CCDC60: variants seen among roughly 807,000 people sequenced by gnomAD.
CCDC60 encodes the protein coiled-coil domain containing 60, also known as coiled-coil domain-containing protein 60.
Under a neutral mutation model 63.5 loss-of-function variants are expected in CCDC60, and 54 were observed. The ratio of observed to expected loss-of-function variants is 0.85; its 90% CI spans 0.68 to 1.07. The LOEUF is 1.07. CCDC60 is among the 50% of genes least tolerant of loss of function. The probability of loss-of-function intolerance (pLI) is 0.00; values close to 1 mark genes in which losing one functional copy is unlikely to be tolerated. For synonymous variants in CCDC60, 206 were observed against 238.8 expected (o/e 0.86, Z 1.27); for missense variants, 651 against 684.3 (o/e 0.95, Z 0.54).
intron 1 of CCDC60, among the ~76,000 whole-genome samples, chr12:119,406,557 T>C (rs1424813126): frequency 1.3e-5 from 2 of 152,054 alleles, no homozygotes; most frequent in Non-Finnish European, 2.9e-5. Context: ...TACATTGCAA[T>C]GCTAGAATCC....
intron 1 of CCDC60, among the ~76,000 whole-genome samples, chr12:119,425,367 G>A (rs576036072): frequency 6.6e-5 from 10 of 152,204 alleles, no homozygotes; most frequent in South Asian, 4.2e-4. Context: ...CCAGAATGGG[G>A]GTCATCTGAT....
At chr12:119,417,971 C>T (rs113303621) in intron 1 of CCDC60, among the ~76,000 whole-genome samples, 2,696 of 152,252 alleles carry the variant, frequency 0.018, 72 homozygotes, top group African/African-American at 0.06. Flanking sequence ...AAACCTGAAA[C>T]TGGGGTTTCA....
chr12:119,526,418 C>G (rs1043139956), intron 11 of CCDC60, among the ~76,000 whole-genome samples: 1 of 152,188 alleles, frequency 6.6e-6, no homozygotes, highest in Non-Finnish European at 1.5e-5. Flanking sequence ...CAAATGGGAT[C>G]TAATTGAACT....
At chr12:119,414,621 G>C (rs1956667507) in intron 1 of CCDC60, among the ~76,000 whole-genome samples, 1 of 152,056 alleles carries the variant, frequency 6.6e-6, no homozygotes, top group Non-Finnish European at 1.5e-5. Flanking sequence ...TGCAATCATA[G>C]CTCACCACAA....
chr12:119,428,739 C>T lies in CCDC60; in HGVS notation c.147C>T (p.Leu49=). The change falls in exon 2 of 14, where the codon CTC becomes CTT. Residue 49 remains leucine (L), a synonymous_variant. Transcript: ENST00000327554. ...ATATGGACAAGGAAATAATAAACCT[C>T]AAAAAGGACCTTATACGAAGCCGGT... ...IKYMDKEIIN[L]KKDLIRSRFL... The T allele has an allele frequency of 6.2e-7, 1 of 1,604,148 alleles. No homozygotes were observed. Among genetic ancestry groups the T allele is most frequent in the East Asian group, 2.2e-5 (1 of 44,816 alleles).
At chr12:119,423,605 T>C (rs1292074965) in intron 1 of CCDC60, among the ~76,000 whole-genome samples, 1 of 152,220 alleles carries the variant, frequency 6.6e-6, no homozygotes, top group Non-Finnish European at 1.5e-5. Context: ...ATCTCCTCCA[T>C]GAGTCTAGCT....
chr12:119,513,690 G>C (rs1325817671), intron 7 of CCDC60, among the ~76,000 whole-genome samples: 1 of 152,182 alleles, frequency 6.6e-6, no homozygotes, highest in East Asian at 1.9e-4. Flanking sequence ...CATAAGATTA[G>C]AGTGAAGCTG....
chr12:119,343,925 G>A (rs1955559278), intron 1 of CCDC60, among the ~76,000 whole-genome samples: 1 of 152,028 alleles, frequency 6.6e-6, no homozygotes, highest in Admixed American at 6.6e-5. Flanking sequence ...CAGAGCTCCA[G>A]CAGATCACTC....
intron 2 of CCDC60, among the ~76,000 whole-genome samples, chr12:119,443,950 G>A (rs1040592392): frequency 1.3e-5 from 2 of 152,166 alleles, no homozygotes; most frequent in Non-Finnish European, 2.9e-5. Flanking sequence ...TGACATAAGT[G>A]TTACACACAG....
Position 119,495,958 on chromosome 12 carries a change from G to A in CCDC60, c.558-4120G>A, listed in dbSNP as rs150442796. Among the ~76,000 whole-genome samples the A allele has an allele frequency of 4.4e-3, 669 of 152,338 alleles. 7 individuals carry two copies. The highest frequency in any genetic ancestry group is 0.015 in the African/African-American group (639 of 41,584). On this transcript the variant is annotated intron_variant, in intron 5 of 13. Coordinates refer to ENST00000327554, the MANE Select transcript of CCDC60 (RefSeq NM_178499.5). ...CATCAAGGAAAGACTCACTCAGACA[G>A]TGACATATGAGTGAAATCTCTGATT...
chr12:119,384,943 G>C (rs535729838), intron 1 of CCDC60, among the ~76,000 whole-genome samples: 3 of 152,200 alleles, frequency 2.0e-5, no homozygotes, highest in African/African-American at 7.2e-5. Context: ...TGAGTGGGGG[G>C]GCTGATATCC....
intron 1 of CCDC60, among the ~76,000 whole-genome samples, chr12:119,419,977 C>T (rs1043935125): frequency 2.7e-5 from 4 of 149,826 alleles, no homozygotes; most frequent in Non-Finnish European, 4.4e-5. Context: ...CCTGGGTTCA[C>T]GCCATTCTCC....
chr12:119,516,536 C>G (rs1952358600), intron 7 of CCDC60, 87 bp from the exon 8 acceptor site: 1 of 848,756 alleles, frequency 1.2e-6, no homozygotes, highest in South Asian at 1.6e-5. Flanking sequence ...CAGAGGTGAC[C>G]CCAGTTTGGG....
At chr12:119,448,151 C>T (rs1251876402) in intron 2 of CCDC60, among the ~76,000 whole-genome samples, 2 of 150,366 alleles carry the variant, frequency 1.3e-5, no homozygotes, top group African/African-American at 4.9e-5. Flanking sequence ...ATTTGCTTAG[C>T]AGGTAGATCC....
chr12:119,408,619 C>T (rs1448519706), intron 1 of CCDC60, among the ~76,000 whole-genome samples: 1 of 152,120 alleles, frequency 6.6e-6, no homozygotes, highest in African/African-American at 2.4e-5. Flanking sequence ...GTCAGGAGAT[C>T]GAAACCATCC....
At chr12:119,524,721 C>CTTTT (rs55694840) in intron 11 of CCDC60, among the ~76,000 whole-genome samples, 20 of 99,034 alleles carry the variant, frequency 2.0e-4, no homozygotes, top group African/African-American at 6.1e-4. Flanking sequence ...CTTTTCTTTT[C>CTTTT]TTTTTTTTTT....
intron 1 of CCDC60, among the ~76,000 whole-genome samples, chr12:119,376,132 C>A (rs1274132475): frequency 6.6e-6 from 1 of 152,184 alleles, no homozygotes; most frequent in African/African-American, 2.4e-5. Flanking sequence ...ACAAAGAAAG[C>A]ATGGCCACCT....
chr12:119,500,178 A>T lies in CCDC60; in HGVS notation c.648+10A>T. ...CATCACAGCGCCAAAGGTAACCAAC[A>T]ACACGCGACTCAACCCTTTGGCTCC... On this transcript the variant is annotated intron_variant, in intron 6 of 13. Transcript: ENST00000327554. 4.4e-6 allele frequency: 7 copies of T among 1,584,368 alleles called. No individual in the cohort carries two copies. The highest frequency in any genetic ancestry group is 6.1e-6 in the Non-Finnish European group (7 of 1,156,872).
At chr12:119,405,553 TA>T (rs938922885) in intron 1 of CCDC60, among the ~76,000 whole-genome samples, 2 of 151,952 alleles carry the variant, frequency 1.3e-5, no homozygotes, top group African/African-American at 2.4e-5. Flanking sequence ...TTCTCAGATT[TA>T]AAAAAAACCA....
Sources: allele counts gnomAD v4.1 joint callset (sites outside exome capture counted in the v4.1 genomes callset), GRCh38; gene constraint gnomAD v4.1.1; transcripts MANE v1.5; gene names NCBI Gene and HGNC (gene_info 2026-07-23, HGNC 2026-07-21).